CIBAR2: variants seen among roughly 807,000 people sequenced by gnomAD.
CIBAR2 encodes the protein CBY1 interacting BAR domain containing 2.
Under a neutral mutation model 36.2 loss-of-function variants are expected in CIBAR2, and 38 were observed. The observed-to-expected ratio is 1.05, with a 90% CI of 0.81 to 1.38. The LOEUF is 1.38. Ranked by LOEUF, CIBAR2 falls within the 40% of genes most tolerant of loss-of-function variation. The pLI, the probability that CIBAR2 is intolerant of heterozygous loss-of-function variation, is 0.00. For synonymous variants in CIBAR2, 182 were observed against 149.5 expected, an observed-to-expected ratio of 1.22 and a Z score of -1.58; for missense variants, 481 against 383.4, an observed-to-expected ratio of 1.25 and a Z score of -2.13.
At position 85,107,835 on chromosome 16, in the gene CIBAR2, G is replaced by A; in HGVS notation, c.426+11C>T. The A allele has an allele frequency of 6.2e-7, 1 of 1,610,952 alleles. No individual in the cohort carries two copies. The highest frequency in any genetic ancestry group is 8.5e-7 in the Non-Finnish European group (1 of 1,177,080). Reference sequence around the variant, plus strand: ...CCGGCAGCCCCAGGCCCCACTTCCAGGGAAGGATACGATCATTTGCTGATC... The same window carrying A: ...CCGGCAGCCCCAGGCCCCACTTCCAAGGAAGGATACGATCATTTGCTGATC... On this transcript the variant is annotated intron_variant, in intron 4 of 8. Transcript: ENST00000539556.
At chr16:85,103,763 AG>A (rs1321922182) in intron 6 of CIBAR2, among the ~76,000 whole-genome samples, 8 of 152,234 alleles carry the variant, frequency 5.3e-5, no homozygotes, top group African/African-American at 1.7e-4. Context: ...AATACCCACT[AG>A]GTGCCAGGCC....
Position 85,110,477 on chromosome 16 carries a change from C to T in CIBAR2, c.21-17G>A, listed in dbSNP as rs767273445. 1.9e-6 allele frequency: 3 copies of T among 1,558,032 alleles called. No homozygotes were observed. The highest frequency in any genetic ancestry group is 1.8e-5 in the Admixed American group (1 of 54,920). ...TGGCTGTCCCTGTGGAGGCGGGGAC[C>T]TGAGCAGCCATTCTGGGCAGAGATG... On this transcript the variant is annotated splice_polypyrimidine_tract_variant and intron_variant, in intron 1 of 8. Transcript: ENST00000539556.
intron 6 of CIBAR2, among the ~76,000 whole-genome samples, chr16:85,103,390 A>G (rs903174492): frequency 2.6e-5 from 4 of 152,188 alleles, no homozygotes; most frequent in African/African-American, 9.7e-5. Context: ...CGCAGGCTGG[A>G]TGGACTAAGA....
chr16:85,104,435 C>T (rs1039144853), intron 6 of CIBAR2, among the ~76,000 whole-genome samples: 1 of 151,942 alleles, frequency 6.6e-6, no homozygotes, highest in Non-Finnish European at 1.5e-5. Flanking sequence ...GGGGTAGGCG[C>T]GGTGGGTCAC....
In CIBAR2 at chr16:85,112,219, C is replaced by G. The variant is rs2074048282; in HGVS notation, c.20+114G>C. On this transcript the variant is annotated intron_variant, in intron 1 of 8. Coordinates refer to ENST00000539556, the MANE Select transcript of CIBAR2 (RefSeq NM_198491.3). ...CCGTGGGAGGGAGAGCTCCCCTCAC[C>G]CCCAACCCCCACCCCAAGCAGCAGG... 6.6e-6 allele frequency: 6 copies of G among 913,076 alleles called. 1 individual carries two copies. Among genetic ancestry groups the G allele is most frequent in the Non-Finnish European group, 7.0e-6 (4 of 567,460 alleles). 56.6% of individuals were successfully genotyped at this position (913,076 alleles called of 1,614,324 possible).
intron 5 of CIBAR2, 125 bp from the exon 6 acceptor site, chr16:85,105,556 T>C: frequency 1.5e-6 from 1 of 683,718 alleles, no homozygotes; most frequent in South Asian, 1.8e-5. Context: ...AAGGGACGTT[T>C]CTTGCTAATT....
chr16:85,112,068 A>G (rs1038827391), intron 1 of CIBAR2, among the ~76,000 whole-genome samples: 1 of 152,096 alleles, frequency 6.6e-6, no homozygotes, highest in Non-Finnish European at 1.5e-5. Flanking sequence ...CGAGAAAGGA[A>G]AGGGGATGAA....
chr16:85,111,983 A>T (rs974857459), intron 1 of CIBAR2, among the ~76,000 whole-genome samples: 21 of 152,324 alleles, frequency 1.4e-4, no homozygotes, highest in African/African-American at 4.8e-4. Flanking sequence ...GGGCCGGGGC[A>T]GTGTGGACTG....
chr16:85,108,572 T>C (rs2074016168), intron 2 of CIBAR2, among the ~76,000 whole-genome samples: 1 of 152,154 alleles, frequency 6.6e-6, no homozygotes, highest in South Asian at 2.1e-4. Flanking sequence ...GGACAAGACT[T>C]TATTGAGAGT....
At chr16:85,105,272 G>A in intron 6 of CIBAR2, 55 bp downstream of exon 6, 8 of 1,022,282 alleles carry the variant, frequency 7.8e-6, no homozygotes, top group Non-Finnish European at 1.2e-5. Flanking sequence ...ACACGTGCAT[G>A]CACACACACA....
chr16:85,102,988 G>A (rs908981727), intron 6 of CIBAR2, among the ~76,000 whole-genome samples: 3 of 148,284 alleles, frequency 2.0e-5, no homozygotes, highest in Admixed American at 6.8e-5. Context: ...TGCAATCTCC[G>A]CCTCCCGGGT....
intron 6 of CIBAR2, among the ~76,000 whole-genome samples, chr16:85,102,987 C>T (rs1032416491): frequency 6.6e-6 from 1 of 150,634 alleles, no homozygotes; most frequent in Non-Finnish European, 1.5e-5. Context: ...CTGCAATCTC[C>T]GCCTCCCGGG....
At position 85,098,572 on chromosome 16, in the gene CIBAR2, T is replaced by G; in HGVS notation, c.*613A>C. 1.0e-6 allele frequency: 1 copy of G among 985,984 alleles called. No individual in the cohort carries two copies. The highest frequency in any genetic ancestry group is 1.2e-6 in the Non-Finnish European group (1 of 830,010). 61.1% of individuals were successfully genotyped at this position (985,984 alleles called of 1,614,324 possible). A position where few individuals can be genotyped will look rare whatever the true frequency, so the allele number is the denominator to read the frequency against. Reference sequence around the variant, plus strand: ...GACTGTTGTGGGCAGTTCTCTCTTATGGGGTCCCTGCCCCAGTGCCCTGAG... The same window carrying G: ...GACTGTTGTGGGCAGTTCTCTCTTAGGGGGTCCCTGCCCCAGTGCCCTGAG... On this transcript the variant is annotated 3_prime_UTR_variant, in exon 9 of 9. Transcript: ENST00000539556.
chr16:85,099,576 G>C (rs1372160378), intron 8 of CIBAR2, among the ~76,000 whole-genome samples: 3 of 152,006 alleles, frequency 2.0e-5, no homozygotes, highest in Non-Finnish European at 4.4e-5. Flanking sequence ...GCCACGGCAG[G>C]GACCGTGTGG....
chr16:85,105,684 A>G (rs945449802), intron 5 of CIBAR2, among the ~76,000 whole-genome samples: 1 of 152,152 alleles, frequency 6.6e-6, no homozygotes, highest in Admixed American at 6.5e-5. Context: ...TCTGAGCCTC[A>G]ATTTCCATGC....
chr16:85,110,547 G>C, intron 1 of CIBAR2, 87 bp from the exon 2 acceptor site: 2 of 1,033,828 alleles, frequency 1.9e-6, no homozygotes, highest in Non-Finnish European at 2.8e-6. Context: ...TATGAAAACA[G>C]GAGCTGCCAC....
At chr16:85,104,691 G>C (rs1488567633) in intron 6 of CIBAR2, among the ~76,000 whole-genome samples, 2 of 152,068 alleles carry the variant, frequency 1.3e-5, no homozygotes, top group East Asian at 3.9e-4. Context: ...ACTCCAGCCT[G>C]GGCAACCAAG....
In CIBAR2 at chr16:85,099,220, C is replaced by A; in HGVS notation, c.880G>T (p.Gly294Cys). 1 of 1,604,862 alleles carries A rather than the reference C, an allele frequency of 6.2e-7. No homozygotes were observed. Among genetic ancestry groups the A allele is most frequent in the Non-Finnish European group, 8.5e-7 (1 of 1,175,734 alleles). The change falls in exon 9 of 9, where the codon GGT becomes TGT. Residue 294 changes from glycine (G) to cysteine (C), a missense_variant. Gly to Cys is a radical substitution (Grantham distance 159). Coordinates refer to ENST00000539556, the MANE Select transcript of CIBAR2 (RefSeq NM_198491.3). ...TGTCCTGGAAGCATGAGATGCCCAC[C>A]CTGCCCACACACACAGTGGGCTGGC... ...GQPAHCVCGQGGHLMLPGHSL is the reference protein window; with the variant it reads ...GQPAHCVCGQCGHLMLPGHSL
Position 85,100,230 on chromosome 16 carries a change from G to C in CIBAR2, c.662C>G (p.Ala221Gly), listed in dbSNP as rs763063064. Residue 221 changes from alanine (A) to glycine (G), a missense_variant, in exon 8 of 9, where the codon GCC becomes GGC. Coordinates refer to ENST00000539556, the MANE Select transcript of CIBAR2 (RefSeq NM_198491.3). ...ATGCCCATAAACTCCTTGCATCTTG[G>C]CTCTAAAATCCTGCCGGGGAGAGAC... ...DLERDLLDFR[A>G]KMQGVYGHYD... 2.0e-5 allele frequency: 32 copies of C among 1,608,594 alleles called. No homozygotes were observed. The highest frequency in any genetic ancestry group is 1.7e-4 in the Middle Eastern group (1 of 6,054).
Sources: gnomAD v4.1 joint callset for allele counts (sites outside exome capture counted in the v4.1 genomes callset) on GRCh38, gnomAD v4.1.1 for gene constraint, MANE v1.5 for transcripts, NCBI Gene and HGNC (gene_info 2026-07-23, HGNC 2026-07-21) for gene names.